MTMR6: variants seen among roughly 807,000 people sequenced by gnomAD.
The protein encoded by MTMR6 is phosphatidylinositol-3,5-bisphosphate 3-phosphatase MTMR6.
MTMR6 carries 47 observed loss-of-function variants against 80.1 expected under a neutral mutation model. That is an observed-to-expected ratio of 0.59 (90% CI 0.46 to 0.75). The LOEUF (loss-of-function observed/expected upper bound fraction) is 0.75, where lower values mean the gene tolerates loss of function less well. Among genes scored for constraint, MTMR6 ranks in the 30% least tolerant of loss-of-function variants. MTMR6 has a pLI of 0.00. For synonymous variants in MTMR6, 254 were observed against 253.0 expected (o/e 1.00, Z -0.04); for missense variants, 629 against 730.9 (o/e 0.86, Z 1.61).
chr13:25,277,899 C>T (rs1425630381), intron 1 of MTMR6, among the ~76,000 whole-genome samples: 1 of 152,168 alleles, frequency 6.6e-6, no homozygotes, highest in Non-Finnish European at 1.5e-5. Context: ...CACTCTAAGC[C>T]TATTTCCTGA....
In MTMR6 at chr13:25,261,771, G is replaced by A; in HGVS notation, c.623C>T (p.Ser208Phe). Residue 208 changes from serine to phenylalanine, a missense_variant, in exon 6 of 14, where the codon TCT (serine) becomes TTT (phenylalanine). By Grantham distance (155) the Ser-to-Phe change is radical (BLOSUM62 -2). Transcript: ENST00000381801. ...AAICRCSQPL[S>F]GFSARCLEDE... is the part of the protein sequence containing the mutation. ...CTCCAGGCACCTGGCACTGAATCCA[G>A]AGAGTGGCTGACTACATCGACAAAT... 6.2e-7 allele frequency: 1 copy of A among 1,613,706 alleles called. No homozygotes were observed. Among genetic ancestry groups the A allele is most frequent in the Non-Finnish European group, 8.5e-7 (1 of 1,179,734 alleles).
rs1463467788 is a variant in MTMR6 at position 25,249,214 on chromosome 13, A to T, written c.*18T>A. The T allele has an allele frequency of 1.9e-6, 3 of 1,605,864 alleles. No individual in the cohort carries two copies. In the East Asian group the frequency reaches 6.7e-5, roughly 36 times the overall value. On this transcript the variant is annotated 3_prime_UTR_variant, in exon 14 of 14. Coordinates refer to ENST00000381801, the MANE Select transcript of MTMR6 (RefSeq NM_004685.5). The stretch of plus-strand genomic sequence containing the variant: ...CCTTTTCTTGTACTGCAATCATTGC[A>T]GAAAAAACTCTATGAGTCTAACAAG...
At chr13:25,280,800 G>A (rs944440907) in intron 1 of MTMR6, among the ~76,000 whole-genome samples, 4 of 152,116 alleles carry the variant, frequency 2.6e-5, no homozygotes, top group Non-Finnish European at 1.5e-5. Context: ...AAGAACAAAC[G>A]AAAAACGAAA....
intron 9 of MTMR6, 64 bp from the exon 10 acceptor site, chr13:25,254,498 A>G: frequency 9.3e-7 from 1 of 1,081,002 alleles, no homozygotes; most frequent in Non-Finnish European, 1.4e-6. Flanking sequence ...AGGCTGGATT[A>G]AATCTTATTA....
chr13:25,260,720 T>C, intron 6 of MTMR6: 1 of 1,081,326 alleles, frequency 9.2e-7, no homozygotes, highest in South Asian at 1.5e-5. Flanking sequence ...CGTTAGCTAT[T>C]ACCACTGAGG....
rs111327753 is a variant in MTMR6 at position 25,251,075 on chromosome 13, G to C, written c.1605+574C>G. ...TCTGTCACCCAGGCTGGAGTGCAGAGGCATGATCTTGGCTCACTGCAACCT... is the reference window on the plus strand; with the variant it reads ...TCTGTCACCCAGGCTGGAGTGCAGACGCATGATCTTGGCTCACTGCAACCT... On this transcript the variant is annotated intron_variant, in intron 13 of 13. Coordinates refer to ENST00000381801, the MANE Select transcript of MTMR6 (RefSeq NM_004685.5). This position sits in a 1 kb window ranked among gnomAD's most constrained non-coding sequence, Gnocchi z 4.1. Among the ~76,000 whole-genome samples, 2,870 of 152,194 alleles carry C rather than the reference G, an allele frequency of 0.019. 104 individuals carry two copies. The highest frequency in any genetic ancestry group is 0.066 in the African/African-American group (2,727 of 41,498).
At position 25,247,812 on chromosome 13, in the gene MTMR6, T is replaced by C. The variant is rs1957010619; in HGVS notation, c.*1420A>G. The stretch of plus-strand genomic sequence containing the variant: ...AAGATGTTTATATTCAAAACTAATA[T>C]AATAGAGGTGTAACAGAAAGTAGCA... On this transcript the variant is annotated 3_prime_UTR_variant, in exon 14 of 14. Coordinates refer to ENST00000381801, the MANE Select transcript of MTMR6 (RefSeq NM_004685.5). 1 of 152,146 alleles carries C rather than the reference T, an allele frequency of 6.6e-6. No homozygotes were observed. Among genetic ancestry groups the C allele is most frequent in the African/African-American group, 2.4e-5 (1 of 41,450 alleles). The allele number at this position is 152,146 out of a possible 1,614,324, so 9.4% of individuals were successfully genotyped here.
At chr13:25,269,388 C>G (rs1228547933) in intron 2 of MTMR6, among the ~76,000 whole-genome samples, 1 of 152,140 alleles carries the variant, frequency 6.6e-6, no homozygotes, top group Non-Finnish European at 1.5e-5. Context: ...AAACTCAATA[C>G]TTGATGGTAT....
At chr13:25,286,710 TGCGAAAGACTG>T (rs1384897110) in intron 1 of MTMR6, among the ~76,000 whole-genome samples, 8 of 152,142 alleles carry the variant, frequency 5.3e-5, no homozygotes, top group Non-Finnish European at 5.9e-5. Context: ...AAACACCGGA[TGCGAAAGACTG>T]GAGACCGAGA....
At chr13:25,278,035 CA>C (rs1270874083) in intron 1 of MTMR6, among the ~76,000 whole-genome samples, 1 of 152,186 alleles carries the variant, frequency 6.6e-6, no homozygotes, top group Non-Finnish European at 1.5e-5. Context: ...TGCAAAAGTA[CA>C]AATCCAAAGC....
rs1465594849 is a variant in MTMR6 at position 25,249,496 on chromosome 13, G to A, written c.1606-4C>T. ...TATTTTTGCGTTGTTTAATTTTCTA[G>A]AACAAACACAAATTTGAAAAAATTA... On this transcript the variant is annotated splice_region_variant and splice_polypyrimidine_tract_variant and intron_variant, in intron 13 of 13. Coordinates refer to ENST00000381801, the MANE Select transcript of MTMR6 (RefSeq NM_004685.5). 6.2e-7 allele frequency: 1 copy of A among 1,605,440 alleles called. No homozygotes were observed. The highest frequency in any genetic ancestry group is 8.5e-7 in the Non-Finnish European group (1 of 1,174,568).
At chr13:25,265,484 G>A (rs527891922) in intron 5 of MTMR6, among the ~76,000 whole-genome samples, 1 of 152,288 alleles carries the variant, frequency 6.6e-6, no homozygotes, top group Admixed American at 6.5e-5. Flanking sequence ...GCTCACACCT[G>A]TAATCCCAGT....
intron 1 of MTMR6, among the ~76,000 whole-genome samples, chr13:25,279,305 T>G (rs568710945): frequency 7.9e-5 from 12 of 152,178 alleles, no homozygotes; most frequent in African/African-American, 2.6e-4. Flanking sequence ...TGGGACACTT[T>G]CCCCCTTTGC....
intron 2 of MTMR6, among the ~76,000 whole-genome samples, chr13:25,269,325 C>T (rs1005488690): frequency 6.6e-6 from 1 of 152,130 alleles, no homozygotes; most frequent in African/African-American, 2.4e-5. Context: ...TCCCTGATAC[C>T]TCCTTTATCA....
At chr13:25,277,429 T>G (rs978628465) in intron 1 of MTMR6, among the ~76,000 whole-genome samples, 2 of 152,194 alleles carry the variant, frequency 1.3e-5, no homozygotes, top group African/African-American at 4.8e-5. Context: ...TAGTAGAGTG[T>G]CTGACACAAT....
chr13:25,249,504 A>G lies in MTMR6; in HGVS notation c.1606-12T>C. On this transcript the variant is annotated splice_polypyrimidine_tract_variant and intron_variant, in intron 13 of 13. Transcript: ENST00000381801. ...CGTTGTTTAATTTTCTAGAACAAAC[A>G]CAAATTTGAAAAAATTACTAATTGC... 6.2e-7 allele frequency: 1 copy of G among 1,604,790 alleles called. No homozygotes were observed. Among genetic ancestry groups the G allele is most frequent in the Non-Finnish European group, 8.5e-7 (1 of 1,174,320 alleles).
At chr13:25,287,167 T>A in intron 1 of MTMR6, 57 bp downstream of exon 1, 1 of 1,563,690 alleles carries the variant, frequency 6.4e-7, no homozygotes, top group South Asian at 1.2e-5. Context: ...CGTCTCCTCC[T>A]GCCTCAGCCG....
intron 9 of MTMR6, among the ~76,000 whole-genome samples, chr13:25,256,190 G>A (rs975742538): frequency 6.6e-6 from 1 of 152,120 alleles, no homozygotes; most frequent in Admixed American, 6.6e-5. Context: ...ATTACCTGCA[G>A]TCACCCAAAG....
chr13:25,283,892 T>C (rs1282573995), intron 1 of MTMR6, among the ~76,000 whole-genome samples: 1 of 152,192 alleles, frequency 6.6e-6, no homozygotes, highest in Non-Finnish European at 1.5e-5. Flanking sequence ...CTCAAAGCGA[T>C]AGGTAGTAGC....
Sources: gnomAD v4.1 joint callset for allele counts (sites outside exome capture counted in the v4.1 genomes callset) on GRCh38, gnomAD v4.1.1 for gene constraint, Gnocchi (gnomAD v3.1) non-coding constraint, MANE v1.5 for transcripts, NCBI Gene and HGNC (gene_info 2026-07-23, HGNC 2026-07-21) for gene names.